The following LY6E variants were observed in gnomAD, a reference collection of about 807,000 sequenced individuals.
LY6E encodes the protein lymphocyte antigen 6 family member E, also known as lymphocyte antigen 6E.
A neutral mutation model predicts 7.7 loss-of-function variants in LY6E; 4 were observed. The ratio of observed to expected loss-of-function variants is 0.52; its 90% confidence interval spans 0.25 to 1.18. The LOEUF (loss-of-function observed/expected upper bound fraction) is 1.18. Among genes scored for constraint, LY6E ranks in the 50% most tolerant of loss-of-function variants. The pLI is 0.14. For missense variants in LY6E, 156 were observed against 168.0 expected, an observed-to-expected ratio of 0.93 and a Z score of 0.40; for synonymous variants, 81 against 80.1, an observed-to-expected ratio of 1.01 and a Z score of -0.06.
intron 3 of LY6E, 62 bp downstream of exon 3, chr8:143,021,495 G>A (rs745910612): frequency 8.1e-6 from 13 of 1,613,212 alleles, no homozygotes; most frequent in South Asian, 7.7e-5. Context: ...CCGGGCCGGG[G>A]CTCAGCAGAG....
intron 1 of LY6E, chr8:143,018,798 C>G (rs973116545): frequency 2.6e-5 from 4 of 152,388 alleles, no homozygotes; most frequent in Non-Finnish European, 5.9e-5. Flanking sequence ...GGGTTGGTCC[C>G]CAGAGAGCTG....
chr8:143,022,142 G>A lies in LY6E; in HGVS notation c.*353G>A, dbSNP rs1819241101. 1 of 393,756 alleles carries A rather than the reference G, an allele frequency of 2.5e-6. No homozygotes were observed. The highest frequency in any genetic ancestry group is 2.0e-5 in the African/African-American group (1 of 48,976). 24.4% of individuals were successfully genotyped at this position (393,756 alleles called of 1,614,324 possible). A position where few individuals can be genotyped will look rare whatever the true frequency, so the allele number is the denominator to read the frequency against. On this transcript the variant is annotated 3_prime_UTR_variant, in exon 4 of 4. Coordinates refer to ENST00000292494, the MANE Select transcript of LY6E (RefSeq NM_002346.3). ...GGATGTGTGCCTGGCTGTGTACGTG[G>A]GTGTGCAGTGCACGTGAGAGCACGT...
Position 143,022,043 on chromosome 8 carries a change from A to G in LY6E, c.*254A>G. The stretch of plus-strand genomic sequence containing the variant: ...CGCGGAAGGGACGAGGGTTCCCTGG[A>G]GTCTTACGGTCCAACATCAGGACCA... On this transcript the variant is annotated 3_prime_UTR_variant, in exon 4 of 4. Coordinates refer to ENST00000292494, the MANE Select transcript of LY6E (RefSeq NM_002346.3). 2 of 569,360 alleles carry G rather than the reference A, an allele frequency of 3.5e-6. No individual in the cohort carries two copies. Among genetic ancestry groups the G allele is most frequent in the Non-Finnish European group, 3.1e-6 (1 of 321,786 alleles). 35.3% of individuals were successfully genotyped at this position (569,360 alleles called of 1,614,324 possible).
At chr8:143,019,467 C>T (rs1262541471) in intron 1 of LY6E, among the ~76,000 whole-genome samples, 1 of 152,192 alleles carries the variant, frequency 6.6e-6, no homozygotes, top group African/African-American at 2.4e-5. Flanking sequence ...GCCCTGTATG[C>T]TAGGACTTCC....
chr8:143,021,712 C>A lies in LY6E; in HGVS notation c.319C>A (p.Leu107Met), dbSNP rs151103204. 12 of 1,613,452 alleles carry A rather than the reference C, an allele frequency of 7.4e-6. No homozygotes were observed. Among genetic ancestry groups the A allele is most frequent in the Middle Eastern group, 1.6e-4 (1 of 6,062 alleles). Residue 107 changes from leucine (L) to methionine (M), a missense_variant, in exon 4 of 4, where the codon CTG (leucine) becomes ATG (methionine). Leu to Met is a conservative substitution (Grantham distance 15). Coordinates refer to ENST00000292494, the MANE Select transcript of LY6E (RefSeq NM_002346.3). ...CAATTTCAGTGCGGCCGATGGCGGG[C>A]TGCGGGCAAGCGTCACCCTGCTGGG... Reference protein sequence around the residue: ...LCNFSAADGGLRASVTLLGAG... With the variant: ...LCNFSAADGGMRASVTLLGAG...
rs1185670152 is a variant in LY6E, at chr8:143,022,153, C to T, written c.*364C>T. 1.3e-5 allele frequency: 4 copies of T among 306,950 alleles called. No individual in the cohort carries two copies. Among genetic ancestry groups the T allele is most frequent in the African/African-American group, 2.2e-5 (1 of 46,288 alleles). 19.0% of individuals were successfully genotyped at this position (306,950 alleles called of 1,614,324 possible). ...TGGCTGTGTACGTGGGTGTGCAGTG[C>T]ACGTGAGAGCACGTGGCGGCTTCTG... On this transcript the variant is annotated 3_prime_UTR_variant, in exon 4 of 4. Coordinates refer to ENST00000292494, the MANE Select transcript of LY6E (RefSeq NM_002346.3).
chr8:143,020,944 A>G lies in LY6E; in HGVS notation c.5A>G (p.Lys2Arg). The G allele has an allele frequency of 1.2e-6, 2 of 1,613,670 alleles. No homozygotes were observed. Among genetic ancestry groups the G allele is most frequent in the South Asian group, 2.2e-5 (2 of 91,074 alleles). ...AGGACGGCCATCCTCTCCAGAATGA[A>G]GATCTTCTTGCCAGTGCTGCTGGCT... is the stretch of plus-strand genomic sequence containing the variant. M[K>R]IFLPVLLAAL... is the part of the protein sequence containing the mutation. The change falls in exon 2 of 4, where the codon AAG becomes AGG. Residue 2 changes from lysine to arginine, a missense_variant. Physicochemically the swap from Lys to Arg is conservative, Grantham distance 26. Transcript: ENST00000292494.
Position 143,021,897 on chromosome 8 carries a change from C to A in LY6E, c.*108C>A. ...TGACTCCTCACGTGCCTGATCTGTG[C>A]CCTTGGTCCCAGGTCAGGCCCACCC... On this transcript the variant is annotated 3_prime_UTR_variant, in exon 4 of 4. Transcript: ENST00000292494. 9.5e-7 allele frequency: 1 copy of A among 1,054,274 alleles called. No homozygotes were observed. The highest frequency in any genetic ancestry group is 1.3e-6 in the Non-Finnish European group (1 of 745,332). 65.3% of individuals were successfully genotyped at this position (1,054,274 alleles called of 1,614,324 possible). A position where few individuals can be genotyped will look rare whatever the true frequency, so the allele number is the denominator to read the frequency against.
In LY6E at chr8:143,021,765, G is replaced by C. The variant is rs944997227; in HGVS notation, c.372G>C (p.Pro124=). The change falls in exon 4 of 4, where the codon CCG becomes CCC. Residue 124 remains proline (P), a synonymous_variant. Coordinates refer to ENST00000292494, the MANE Select transcript of LY6E (RefSeq NM_002346.3). ...CCGGGCTGCTGCTGAGCCTGCTGCC[G>C]GCCCTGCTGCGGTTTGGCCCCTGAC... ...LGAGLLLSLL[P]ALLRFGP The C allele has an allele frequency of 1.9e-6, 3 of 1,608,118 alleles. No homozygotes were observed. Among genetic ancestry groups the C allele is most frequent in the Non-Finnish European group, 2.5e-6 (3 of 1,178,362 alleles).
At position 143,021,447 on chromosome 8, in the gene LY6E, C is replaced by T. The variant is rs1819219149; in HGVS notation, c.172+14C>T. The T allele has an allele frequency of 6.2e-7, 1 of 1,613,922 alleles. No individual in the cohort carries two copies. The highest frequency in any genetic ancestry group is 8.5e-7 in the Non-Finnish European group (1 of 1,180,042). On this transcript the variant is annotated intron_variant, in intron 3 of 3. Coordinates refer to ENST00000292494, the MANE Select transcript of LY6E (RefSeq NM_002346.3). ...GTGCCGGCATTGGTGAGTGCCAGGC[C>T]TCAGACCGTGCCTTCCTCCCCTGGC... is the stretch of plus-strand genomic sequence containing the variant.
chr8:143,018,796 C>G (rs1020267694), intron 1 of LY6E: 2 of 152,316 alleles, frequency 1.3e-5, no homozygotes, highest in African/African-American at 2.4e-5. Flanking sequence ...GTGGGTTGGT[C>G]CCCAGAGAGC....
chr8:143,020,832 T>G (rs1379000143), intron 1 of LY6E, 51 bp from the exon 2 acceptor site: 10 of 990,308 alleles, frequency 1.0e-5, no homozygotes, highest in Non-Finnish European at 4.7e-6. Context: ...GTGCATGGTC[T>G]TGGGGAGGAG....
chr8:143,019,502 C>T (rs550750412), intron 1 of LY6E, among the ~76,000 whole-genome samples: 1 of 152,212 alleles, frequency 6.6e-6, no homozygotes, highest in Admixed American at 6.5e-5. Flanking sequence ...GGGACCCCCC[C>T]ACACCAGAAC....
rs11267029 is a variant in LY6E at position 143,021,573 on chromosome 8, C to T, written c.180C>T (p.Leu60=). ...TVSASAGIGN[L]VTFGHSLSKT... ...GCCTCATTTCCCATGCAGGGAATCTCGTGACATTTGGCCACAGCCTGAGCA... is the reference window on the plus strand; with the variant it reads ...GCCTCATTTCCCATGCAGGGAATCTTGTGACATTTGGCCACAGCCTGAGCA... Residue 60 remains leucine (L), a synonymous_variant, in exon 4 of 4, where the codon CTC becomes CTT. Coordinates refer to ENST00000292494, the MANE Select transcript of LY6E (RefSeq NM_002346.3). The T allele has an allele frequency of 2.7e-4, 440 of 1,613,920 alleles. No homozygotes were observed. Among genetic ancestry groups the T allele is most frequent in the Admixed American group, 9.3e-4 (56 of 60,022 alleles).
Position 143,020,524 on chromosome 8 carries a change from G to A in LY6E, c.-57-359G>A, listed in dbSNP as rs1819192936. On this transcript the variant is annotated intron_variant, in intron 1 of 3. Coordinates refer to ENST00000292494, the MANE Select transcript of LY6E (RefSeq NM_002346.3). ...ATGGAGATTACAGGCGTGAGCCCCT[G>A]TACCCAGCCCCAGACTAGCTAATAT... is the stretch of plus-strand genomic sequence containing the variant. The A allele has an allele frequency of 1.4e-5, 3 of 211,130 alleles. No individual in the cohort carries two copies. In the Admixed American group the frequency reaches 1.6e-4, roughly 11 times the overall value. The allele number at this position is 211,130 out of a possible 1,614,324, so 13.1% of individuals were successfully genotyped here. A position where few individuals can be genotyped will look rare whatever the true frequency, so the allele number is the denominator to read the frequency against.
chr8:143,021,658 G>A lies in LY6E; in HGVS notation c.265G>A (p.Gly89Ser), dbSNP rs531928812. 2.5e-6 allele frequency: 4 copies of A among 1,613,844 alleles called. No homozygotes were observed. The Admixed American group carries it at 6.7e-5, about 27-fold the overall frequency. The change falls in exon 4 of 4, where the codon GGC (glycine) becomes AGC (serine). Residue 89 changes from glycine to serine, a missense_variant. Gly to Ser is a moderately conservative substitution (Grantham distance 56). Coordinates refer to ENST00000292494, the MANE Select transcript of LY6E (RefSeq NM_002346.3). ...CGTCAATGTTGGTGTGGCTTCCATGGGCATCAGCTGCTGCCAGAGCTTTCT... is the reference window on the plus strand; with the variant it reads ...CGTCAATGTTGGTGTGGCTTCCATGAGCATCAGCTGCTGCCAGAGCTTTCT... ...EGVNVGVASM[G>S]ISCCQSFLCN...
At position 143,021,345 on chromosome 8, in the gene LY6E, C is replaced by A. The variant is rs1341028128; in HGVS notation, c.84C>A (p.Asn28Lys). 6.2e-7 allele frequency: 1 copy of A among 1,613,978 alleles called. No homozygotes were observed. The highest frequency in any genetic ancestry group is 1.3e-5 in the African/African-American group (1 of 75,064). Residue 28 changes from asparagine (N) to lysine (K), a missense_variant, in exon 3 of 4, where the codon AAC becomes AAA. Asn to Lys is a moderately conservative substitution (Grantham distance 94). Transcript: ENST00000292494. ...ASSLMCFSCL[N>K]QKSNLYCLKP... is the part of the protein sequence containing the mutation. The stretch of plus-strand genomic sequence containing the variant: ...CGCTGATGTGCTTCTCCTGCTTGAA[C>A]CAGAAGAGCAATCTGTACTGCCTGA...
At chr8:143,020,714 G>A (rs1819197815) in intron 1 of LY6E, among the ~76,000 whole-genome samples, 169 bp from the exon 2 acceptor site, 1 of 152,248 alleles carries the variant, frequency 6.6e-6, no homozygotes, top group Admixed American at 6.5e-5. Flanking sequence ...ATAGCCTAGA[G>A]CATGTCTGCA....
In LY6E at chr8:143,021,001, C is replaced by A. The variant is rs1819206312; in HGVS notation, c.52+10C>A. ...CTGGGTGTGGAGCGAGGTGAGGTGCCCTTGGGGACCCCAGACCTTTGTCCA... is the reference window on the plus strand; with the variant it reads ...CTGGGTGTGGAGCGAGGTGAGGTGCACTTGGGGACCCCAGACCTTTGTCCA... On this transcript the variant is annotated intron_variant, in intron 2 of 3. Coordinates refer to ENST00000292494, the MANE Select transcript of LY6E (RefSeq NM_002346.3). 1 of 1,587,090 alleles carries A rather than the reference C, an allele frequency of 6.3e-7. No homozygotes were observed. The highest frequency in any genetic ancestry group is 1.4e-5 in the African/African-American group (1 of 69,748).
Sources: gnomAD v4.1 joint callset for allele counts (sites outside exome capture counted in the v4.1 genomes callset) on GRCh38, gnomAD v4.1.1 for gene constraint, MANE v1.5 for transcripts, NCBI Gene and HGNC (gene_info 2026-07-23, HGNC 2026-07-21) for gene names.